Variants in RBM47 observed in about 807,000 individuals in gnomAD.
RBM47 encodes RNA binding motif protein 47.
A neutral mutation model predicts 47.1 loss-of-function variants in RBM47; 21 were observed. The ratio of observed to expected loss-of-function variants is 0.45; its 90% CI spans 0.32 to 0.64. The LOEUF is 0.64. Among genes scored for constraint, RBM47 ranks in the 30% least tolerant of loss-of-function variants. The pLI, the probability that RBM47 is intolerant of heterozygous loss-of-function variation, is 0.05. For synonymous variants in RBM47, 375 were observed against 361.7 expected (o/e 1.04, Z -0.42); for missense variants, 708 against 870.9 (o/e 0.81, Z 2.35).
intron 2 of RBM47, among the ~76,000 whole-genome samples, chr4:40,485,369 G>C (rs1310318133): frequency 6.6e-6 from 1 of 152,220 alleles, no homozygotes; most frequent in Non-Finnish European, 1.5e-5. Context: ...GGAAAGCCAA[G>C]TCGACAGCTG....
chr4:40,483,445 A>G (rs1464987638), intron 2 of RBM47, among the ~76,000 whole-genome samples: 3 of 152,218 alleles, frequency 2.0e-5, no homozygotes, highest in Non-Finnish European at 2.9e-5. Context: ...TGGGAGCGTT[A>G]TAACACCCAG....
intron 1 of RBM47, among the ~76,000 whole-genome samples, chr4:40,576,264 G>GGA (rs1553903914): frequency 1.5e-5 from 2 of 135,792 alleles, no homozygotes; most frequent in African/African-American, 5.6e-5. Context: ...TTTGGGGGGG[G>GGA]GCGGAGACAG....
At chr4:40,527,339 T>A (rs1297903464) in intron 2 of RBM47, among the ~76,000 whole-genome samples, 1 of 150,770 alleles carries the variant, frequency 6.6e-6, no homozygotes, top group Non-Finnish European at 1.5e-5. Flanking sequence ...CAGGCTGGAG[T>A]GCAGTGGTGT....
At chr4:40,594,949 A>G (rs1044549509) in intron 1 of RBM47, among the ~76,000 whole-genome samples, 9 of 152,148 alleles carry the variant, frequency 5.9e-5, no homozygotes, top group African/African-American at 2.2e-4. Context: ...TTTGTATTCT[A>G]TCTTTTTTGG....
intron 2 of RBM47, among the ~76,000 whole-genome samples, chr4:40,493,913 T>G (rs1255231539): frequency 6.6e-6 from 1 of 152,182 alleles, no homozygotes; most frequent in East Asian, 1.9e-4. Flanking sequence ...CACTCCAGCC[T>G]GGGCAACAGA....
chr4:40,592,569 C>T (rs1205182413), intron 1 of RBM47, among the ~76,000 whole-genome samples: 2 of 151,754 alleles, frequency 1.3e-5, no homozygotes, highest in African/African-American at 4.8e-5. Flanking sequence ...GGATTACAGG[C>T]ATGCGACACC....
At position 40,541,596 on chromosome 4, in the gene RBM47, G is replaced by A. The variant is rs112259536; in HGVS notation, c.-155+2826C>T. Among the ~76,000 whole-genome samples the A allele has an allele frequency of 1.3e-3, 205 of 152,192 alleles. 1 individual carries two copies. Among genetic ancestry groups the A allele is most frequent in the African/African-American group, 4.6e-3 (193 of 41,518 alleles). ...TTACTAAAAATACAACAAATTAGCCGGTGTGGTGGCGCATGCCTATAATCC... is the reference window on the plus strand; with the variant it reads ...TTACTAAAAATACAACAAATTAGCCAGTGTGGTGGCGCATGCCTATAATCC... On this transcript the variant is annotated intron_variant, in intron 2 of 6. Coordinates refer to ENST00000295971, the MANE Select transcript of RBM47 (RefSeq NM_001098634.2).
chr4:40,473,194 T>G (rs1182619001), intron 2 of RBM47, among the ~76,000 whole-genome samples: 1 of 152,182 alleles, frequency 6.6e-6, no homozygotes, highest in Non-Finnish European at 1.5e-5. Context: ...TCCACATACA[T>G]CGTCTTATTT....
chr4:40,439,917 G>C (rs1266022687), intron 3 of RBM47, among the ~76,000 whole-genome samples: 1 of 152,156 alleles, frequency 6.6e-6, no homozygotes, highest in African/African-American at 2.4e-5. Flanking sequence ...GCTGTCACTT[G>C]CCACATGTGG....
rs1402390701 is a variant in RBM47, at chr4:40,629,690, C to G, written c.-534G>C. 3 of 152,248 alleles carry G rather than the reference C, an allele frequency of 2.0e-5. No individual in the cohort carries two copies. In the East Asian group the frequency reaches 5.8e-4, roughly 29 times the overall value. 9.4% of individuals were successfully genotyped at this position (152,248 alleles called of 1,614,324 possible). A position where few individuals can be genotyped will look rare whatever the true frequency, so the allele number is the denominator to read the frequency against. On this transcript the variant is annotated 5_prime_UTR_variant, in exon 1 of 7. Coordinates refer to ENST00000295971, the MANE Select transcript of RBM47 (RefSeq NM_001098634.2). The stretch of plus-strand genomic sequence containing the variant: ...GACCGCTCCCCAAACCCTGGTTTCT[C>G]TCTATCCCAAGCTGCACATTCCACA...
intron 1 of RBM47, among the ~76,000 whole-genome samples, chr4:40,559,396 A>G (rs956943115): frequency 5.9e-5 from 9 of 152,244 alleles, no homozygotes; most frequent in African/African-American, 1.9e-4. Flanking sequence ...ATCAAGTGAC[A>G]TGGGTATGCA....
chr4:40,474,804 A>G (rs993867534), intron 2 of RBM47, among the ~76,000 whole-genome samples: 5 of 152,240 alleles, frequency 3.3e-5, no homozygotes, highest in Admixed American at 2.0e-4. Context: ...TAAATATCAG[A>G]TGTAGGCTAA....
At chr4:40,494,840 T>C (rs951725117) in intron 2 of RBM47, among the ~76,000 whole-genome samples, 3 of 152,106 alleles carry the variant, frequency 2.0e-5, no homozygotes, top group African/African-American at 7.2e-5. Context: ...ACAGAAAACA[T>C]ATAGAGAAAA....
At chr4:40,595,435 A>AATTCCC (rs1734663920) in intron 1 of RBM47, among the ~76,000 whole-genome samples, 1 of 152,068 alleles carries the variant, frequency 6.6e-6, no homozygotes, top group Non-Finnish European at 1.5e-5. Flanking sequence ...TGGAGGTTGC[A>AATTCCC]GTGAGCCGAG....
chr4:40,570,561 T>TCTCCTGCTGTGCTGTTCAA (rs1169400839), intron 1 of RBM47, among the ~76,000 whole-genome samples: 1 of 151,882 alleles, frequency 6.6e-6, no homozygotes, highest in African/African-American at 2.4e-5. Context: ...CCGCTGCTCA[T>TCTCCTGCTGTGCTGTTCAA]CTCCTGCTGT....
chr4:40,480,120 G>A (rs1195509333), intron 2 of RBM47, among the ~76,000 whole-genome samples: 1 of 151,786 alleles, frequency 6.6e-6, no homozygotes, highest in Non-Finnish European at 1.5e-5. Flanking sequence ...TGGGATTACA[G>A]GTGTCCGCCA....
intron 2 of RBM47, among the ~76,000 whole-genome samples, chr4:40,516,659 T>C (rs1725615778): frequency 6.6e-6 from 1 of 152,224 alleles, no homozygotes; most frequent in African/African-American, 2.4e-5. Context: ...GATTCAGAGA[T>C]GCAGAAAGAT....
intron 1 of RBM47, among the ~76,000 whole-genome samples, chr4:40,611,020 T>A (rs976643447): frequency 2.0e-5 from 3 of 152,168 alleles, no homozygotes; most frequent in African/African-American, 7.2e-5. Flanking sequence ...ACTAATACAC[T>A]ATGTAAATAT....
intron 2 of RBM47, among the ~76,000 whole-genome samples, chr4:40,503,444 G>A (rs536077164): frequency 1.3e-5 from 2 of 152,174 alleles, no homozygotes; most frequent in African/African-American, 2.4e-5. Flanking sequence ...AGTCCTGGAC[G>A]TTCTGAAAAG....
Sources: gnomAD v4.1 joint callset for allele counts (sites outside exome capture counted in the v4.1 genomes callset) on GRCh38, gnomAD v4.1.1 for gene constraint, MANE v1.5 for transcripts, NCBI Gene and HGNC (gene_info 2026-07-23, HGNC 2026-07-21) for gene names.